Variants in ARSH observed in about 807,000 individuals in gnomAD.
ARSH encodes the protein arylsulfatase family member H.
A neutral mutation model predicts 28.7 loss-of-function variants in ARSH; 32 were observed. The ratio of observed to expected loss-of-function variants is 1.11; its 90% CI spans 0.84 to 1.50. The LOEUF is 1.50. Among genes scored for constraint, ARSH ranks in the 40% most tolerant of loss-of-function variants. The pLI, the probability that ARSH is intolerant of heterozygous loss-of-function variation, is 0.00. For synonymous variants in ARSH, 176 were observed against 177.3 expected, an observed-to-expected ratio of 0.99 and a Z score of 0.06; for missense variants, 440 against 452.4, an observed-to-expected ratio of 0.97 and a Z score of 0.25.
In ARSH at chrX:3,006,697, T is replaced by A; in HGVS notation, c.85T>A (p.Ser29Thr). The change falls in exon 1 of 9, where the codon TCA becomes ACA. Residue 29 changes from serine to threonine, a missense_variant. By Grantham distance (58) the Ser-to-Thr change is moderately conservative (BLOSUM62 1). Transcript: ENST00000381130. ...GGATTTGTGCTGCTACGGTAATAAC[T>A]CAGTGAGGTAAAGATGGACTCTGAC... Reference protein sequence around the residue: ...VGDLCCYGNNSVSTPNIDRLA... With the variant: ...VGDLCCYGNNTVSTPNIDRLA... 1 of 1,205,477 alleles carries A rather than the reference T, an allele frequency of 8.3e-7. No individual in the cohort carries two copies. The highest frequency in any genetic ancestry group is 1.1e-6 in the Non-Finnish European group (1 of 890,368).
At chrX:3,014,664 C>T (rs752658963) in intron 3 of ARSH, among the ~76,000 whole-genome samples, 2 of 111,252 alleles carry the variant, frequency 1.8e-5, no homozygotes, top group East Asian at 2.9e-4. Context: ...GAAAGTTTCT[C>T]ATTGTTCATG....
chrX:3,013,439 A>T (rs2089856774), intron 3 of ARSH, among the ~76,000 whole-genome samples: 1 of 111,014 alleles, frequency 9.0e-6, no homozygotes, highest in African/African-American at 3.3e-5. Flanking sequence ...GAGGGATACG[A>T]TGTTTGTGAC....
At chrX:3,032,414 AAAGGAAGG>A (rs917854543) in intron 8 of ARSH, among the ~76,000 whole-genome samples, 3 of 99,300 alleles carry the variant, frequency 3.0e-5, no homozygotes, top group African/African-American at 1.1e-4. Flanking sequence ...GGAAGGAAGG[AAAGGAAGG>A]AAGGAAGGAA....
chrX:3,018,864 A>G (rs2089873292), intron 5 of ARSH, among the ~76,000 whole-genome samples, 194 bp downstream of exon 5: 1 of 112,277 alleles, frequency 8.9e-6, no homozygotes. Context: ...ATTCCCCAAG[A>G]TAAGTCACAG....
At chrX:3,029,104 T>G in intron 7 of ARSH, 143 bp from the exon 8 acceptor site, 1 of 632,090 alleles carries the variant, frequency 1.6e-6, no homozygotes, top group East Asian at 3.7e-5. Flanking sequence ...AAAAAAGAAA[T>G]TCTTCCTCTT....
intron 8 of ARSH, 144 bp downstream of exon 8, chrX:3,029,512 C>T: frequency 1.5e-6 from 1 of 662,057 alleles, no homozygotes; most frequent in Non-Finnish European, 2.2e-6. Flanking sequence ...ATAAACAGTG[C>T]ACTGCAGTAG....
chrX:3,019,531 A>AC (rs774104702), intron 5 of ARSH, among the ~76,000 whole-genome samples: 1 of 109,538 alleles, frequency 9.1e-6, no homozygotes, highest in African/African-American at 3.3e-5. Flanking sequence ...GCATTTGCCC[A>AC]CCCCCGCCTC....
intron 5 of ARSH, among the ~76,000 whole-genome samples, chrX:3,022,867 C>T (rs5982984): frequency 0.012 from 1,322 of 110,801 alleles, 18 homozygotes; most frequent in African/African-American, 0.041. Context: ...GATGGCTTTG[C>T]TCATATGTTC....
intron 5 of ARSH, among the ~76,000 whole-genome samples, chrX:3,021,789 C>A: frequency 9.4e-6 from 1 of 106,715 alleles, no homozygotes; most frequent in South Asian, 4.3e-4. Context: ...CACAGCTCAC[C>A]ACACACTTGA....
rs909283879 is a variant in ARSH at position 3,023,111 on chromosome X, A to T, written c.902-910A>T. Among the ~76,000 whole-genome samples the T allele has an allele frequency of 4.4e-4, 46 of 105,384 alleles. 1 individual carries two copies. The highest frequency in any genetic ancestry group is 1.6e-3 in the African/African-American group (46 of 29,435). 91.5% of individuals were successfully genotyped at this position (105,384 alleles called of 115,157 possible). On this transcript the variant is annotated intron_variant, in intron 5 of 8. Transcript: ENST00000381130. Reference sequence around the variant, plus strand: ...ACCAGTACTTTATATATTGTATATGAACTATTCTACATTTTAAATTAATAT... The same window carrying T: ...ACCAGTACTTTATATATTGTATATGTACTATTCTACATTTTAAATTAATAT...
rs1279616557 is a variant in ARSH at position 3,015,288 on chromosome X, G to A, written c.659G>A (p.Arg220His). 6 of 1,211,370 alleles carry A rather than the reference G, an allele frequency of 5.0e-6. No homozygotes were observed. The highest frequency in any genetic ancestry group is 3.0e-5 in the East Asian group (1 of 33,834). ...TACTCTAGTTATGGATTTACTCGAC[G>A]TTGGAATTGCATCCTTATGAGGAAC... ...SWYSSYGFTRRWNCILMRNHE... is the reference protein window; with the variant it reads ...SWYSSYGFTRHWNCILMRNHE... The change falls in exon 4 of 9, where the codon CGT becomes CAT. Residue 220 changes from arginine to histidine, a missense_variant. Arg to His is a conservative substitution (Grantham distance 29). Coordinates refer to ENST00000381130, the MANE Select transcript of ARSH (RefSeq NM_001011719.2).
intron 1 of ARSH, among the ~76,000 whole-genome samples, chrX:3,009,570 C>T (rs763176432): frequency 8.1e-5 from 9 of 110,906 alleles, no homozygotes; most frequent in African/African-American, 2.9e-4. Flanking sequence ...GTGGGAGGAT[C>T]ACTTGAGCCC....
chrX:3,014,459 A>C (rs771008336), intron 3 of ARSH, among the ~76,000 whole-genome samples: 12 of 110,960 alleles, frequency 1.1e-4, no homozygotes, highest in Non-Finnish European at 1.7e-4. Context: ...TGTCATCCCT[A>C]GCTTGAGGAC....
intron 7 of ARSH, among the ~76,000 whole-genome samples, 170 bp from the exon 8 acceptor site, chrX:3,029,077 C>CA (rs377018684): frequency 0.028 from 2,303 of 80,933 alleles, 36 homozygotes; most frequent in African/African-American, 0.036. Context: ...GACTCCATTT[C>CA]AAAAAAAAAA....
At chrX:3,012,347 G>A (rs1465379461) in intron 2 of ARSH, among the ~76,000 whole-genome samples, 1 of 102,245 alleles carries the variant, frequency 9.8e-6, no homozygotes, top group South Asian at 4.6e-4. Context: ...AGACCAGCCC[G>A]GCCAACATAG....
rs752649661 is a variant in ARSH at position 3,033,578 on chromosome X, G to A, written c.*193G>A. 2.6e-5 allele frequency: 10 copies of A among 385,052 alleles called. No individual in the cohort carries two copies. The South Asian group carries it at 4.3e-4, about 17-fold the overall frequency. The allele number at this position is 385,052 out of a possible 1,213,427, so 31.7% of individuals were successfully genotyped here. On this transcript the variant is annotated 3_prime_UTR_variant, in exon 9 of 9. Transcript: ENST00000381130. ...CCCATATAACAGTGAACCTGGAGGG[G>A]AGCATTTGTTGTATAATTTTTTTCT...
At chrX:3,022,029 A>G (rs2089885954) in intron 5 of ARSH, among the ~76,000 whole-genome samples, 1 of 110,374 alleles carries the variant, frequency 9.1e-6, no homozygotes, top group African/African-American at 3.3e-5. Flanking sequence ...TGTGTGAGCC[A>G]CCAGGCCCAA....
rs887223160 is a variant in ARSH, at chrX:3,026,743, T to G, written c.1037-570T>G. Among the ~76,000 whole-genome samples, 5 of 112,517 alleles carry G rather than the reference T, an allele frequency of 4.4e-5. No individual in the cohort carries two copies. In the Admixed American group the frequency reaches 4.7e-4, roughly 11 times the overall value. ...CCTCTGGCCATTTTTCTACTCACAC[T>G]CCTCTCTTTCTTCCTCTATATGGGA... On this transcript the variant is annotated intron_variant, in intron 6 of 8. Transcript: ENST00000381130.
Position 3,019,579 on chromosome X carries a change from G to T in ARSH, c.901+909G>T, listed in dbSNP as rs552784455. ...AGAGTTGTCCTTCCTCTCAGCGATG[G>T]TGTTTCATTTTGGAATACAGTACTT... is the stretch of plus-strand genomic sequence containing the variant. On this transcript the variant is annotated intron_variant, in intron 5 of 8. Coordinates refer to ENST00000381130, the MANE Select transcript of ARSH (RefSeq NM_001011719.2). Among the ~76,000 whole-genome samples the T allele has an allele frequency of 1.5e-4, 17 of 111,136 alleles. No homozygotes were observed. The South Asian group carries it at 5.8e-3, about 38-fold the overall frequency.
Sources: gnomAD v4.1 joint callset for allele counts (sites outside exome capture counted in the v4.1 genomes callset) on GRCh38, gnomAD v4.1.1 for gene constraint, MANE v1.5 for transcripts, NCBI Gene and HGNC (gene_info 2026-07-23, HGNC 2026-07-21) for gene names.